The following VKORC1L1 variants were observed in gnomAD, a reference collection of about 807,000 sequenced individuals.
The protein encoded by VKORC1L1 is vitamin K epoxide reductase complex subunit 1-like protein 1.
VKORC1L1 carries 2 observed loss-of-function variants against 18.9 expected under a neutral mutation model. The observed-to-expected ratio is 0.11, with a 90% CI of 0.04 to 0.33. The LOEUF (loss-of-function observed/expected upper bound fraction) is 0.33, where lower values mean the gene tolerates loss of function less well. VKORC1L1 is among the 10% of genes least tolerant of loss of function. The probability of loss-of-function intolerance (pLI) is 1.00; values close to 1 mark genes in which losing one functional copy is unlikely to be tolerated. For missense variants in VKORC1L1, 123 were observed against 224.1 expected (o/e 0.55, Z 2.88); for synonymous variants, 96 against 100.0 (o/e 0.96, Z 0.24).
chr7:65,936,088 A>C (rs888512021), intron 1 of VKORC1L1, among the ~76,000 whole-genome samples: 2 of 149,982 alleles, frequency 1.3e-5, no homozygotes, highest in Non-Finnish European at 3.0e-5. Flanking sequence ...GACCTCATCT[A>C]GTGGATTTTT....
chr7:65,937,287 A>G (rs968713141), intron 1 of VKORC1L1, among the ~76,000 whole-genome samples: 7 of 152,100 alleles, frequency 4.6e-5, no homozygotes, highest in Non-Finnish European at 7.4e-5. Flanking sequence ...AGAATCCTCA[A>G]TTGCTTTTTG....
intron 1 of VKORC1L1, among the ~76,000 whole-genome samples, chr7:65,889,346 A>G (rs1472134645): frequency 2.0e-5 from 3 of 152,184 alleles, no homozygotes; most frequent in African/African-American, 7.2e-5. Flanking sequence ...CAGTATGTCC[A>G]AGATTTATTT....
At position 65,954,810 on chromosome 7, in the gene VKORC1L1, A is replaced by G. The variant is rs1790268588; in HGVS notation, c.*510A>G. 6.2e-6 allele frequency: 1 copy of G among 161,738 alleles called. No homozygotes were observed. The highest frequency in any genetic ancestry group is 5.9e-5 in the Admixed American group (1 of 17,028). 10.0% of individuals were successfully genotyped at this position (161,738 alleles called of 1,614,324 possible). On this transcript the variant is annotated 3_prime_UTR_variant, in exon 3 of 3. Coordinates refer to ENST00000360768, the MANE Select transcript of VKORC1L1 (RefSeq NM_173517.6). ...GATATTTGTAAATAAAGGTAGAAAT[A>G]TTAGATCCATTTCTGCAGAACTTAC...
At chr7:65,891,099 A>ATTTT (rs35196492) in intron 1 of VKORC1L1, among the ~76,000 whole-genome samples, 3 of 128,322 alleles carry the variant, frequency 2.3e-5, no homozygotes, top group Admixed American at 7.9e-5. Context: ...GCCCAGCATA[A>ATTTT]TTTTTTTTTT....
chr7:65,945,312 A>G (rs1327804382), intron 1 of VKORC1L1, among the ~76,000 whole-genome samples: 4 of 151,276 alleles, frequency 2.6e-5, no homozygotes, highest in Non-Finnish European at 5.9e-5. Flanking sequence ...ATGTGGAAGT[A>G]AATAAGAGTG....
intron 1 of VKORC1L1, among the ~76,000 whole-genome samples, chr7:65,927,790 A>G (rs139450196): frequency 7.9e-5 from 12 of 152,226 alleles, no homozygotes; most frequent in South Asian, 2.1e-4. Flanking sequence ...CTCTCCAAAC[A>G]TTTGTCTTTT....
chr7:65,931,956 T>C (rs1170539118), intron 1 of VKORC1L1, among the ~76,000 whole-genome samples: 1 of 152,206 alleles, frequency 6.6e-6, no homozygotes, highest in Non-Finnish European at 1.5e-5. Context: ...ATTGATTTTC[T>C]TGATCATTTC....
chr7:65,953,642 C>G (rs1281103436), intron 2 of VKORC1L1, among the ~76,000 whole-genome samples: 3 of 152,182 alleles, frequency 2.0e-5, no homozygotes, highest in Non-Finnish European at 2.9e-5. Flanking sequence ...TGCCTGTAAT[C>G]CCGGCACTTT....
chr7:65,954,236 A>T lies in VKORC1L1; in HGVS notation c.467A>T (p.Asn156Ile). ...CTGAACTTCCTTCTTCTCATTATCA[A>T]CTACAAACGACTAGTTTACTTGAAC... The part of the protein sequence containing the change: ...YVLNFLLLII[N>I]YKRLVYLNEA... The change falls in exon 3 of 3, where the codon AAC becomes ATC. Residue 156 changes from asparagine (N) to isoleucine (I), a missense_variant. Physicochemically the swap from Asn to Ile is moderately radical, Grantham distance 149 (BLOSUM62 -3). Around this residue, in one of 4 missense-constraint regions of VKORC1L1, gnomAD observed 41 missense variants for 61.6 expected, o/e 0.67. Transcript: ENST00000360768. 1 of 1,614,096 alleles carries T rather than the reference A, an allele frequency of 6.2e-7. No individual in the cohort carries two copies. Among genetic ancestry groups the T allele is most frequent in the Non-Finnish European group, 8.5e-7 (1 of 1,180,020 alleles).
intron 1 of VKORC1L1, among the ~76,000 whole-genome samples, chr7:65,918,368 G>A (rs542569424): frequency 1.3e-5 from 2 of 152,340 alleles, no homozygotes; most frequent in African/African-American, 4.8e-5. Context: ...CAGCAACATT[G>A]CCAGAGCAAA....
intron 1 of VKORC1L1, among the ~76,000 whole-genome samples, chr7:65,941,037 G>A (rs1373892271): frequency 2.0e-5 from 3 of 152,196 alleles, no homozygotes; most frequent in Non-Finnish European, 4.4e-5. Context: ...AGTTGGGATA[G>A]TTAGTGCTTT....
chr7:65,894,589 A>T (rs1024890330), intron 1 of VKORC1L1, among the ~76,000 whole-genome samples: 1 of 152,066 alleles, frequency 6.6e-6, no homozygotes. Context: ...TTAACTGGGC[A>T]TGGTGGTGGG....
chr7:65,872,068 G>GCACATACA (rs1788732650), upstream of VKORC1L1, among the ~76,000 whole-genome samples: 4 of 152,148 alleles, frequency 2.6e-5, no homozygotes, highest in Admixed American at 2.6e-4. Flanking sequence ...GTGAGAAAAA[G>GCACATACA]CACATACATC....
chr7:65,905,166 A>T lies in VKORC1L1; in HGVS notation c.194+31601A>T, dbSNP rs1210858960. On this transcript the variant is annotated intron_variant, in intron 1 of 2. Transcript: ENST00000360768. The stretch of plus-strand genomic sequence containing the variant: ...TGCTTTTTGTTTCCTTTAACTTTTA[A>T]TCGTGAACATTTGGACCTGTAATAA... 2.6e-5 allele frequency among the ~76,000 whole-genome samples: 4 copies of T among 152,288 alleles called. No individual in the cohort carries two copies. In the East Asian group the frequency reaches 7.7e-4, roughly 29 times the overall value.
chr7:65,933,451 T>C (rs886543268), intron 1 of VKORC1L1, among the ~76,000 whole-genome samples: 1 of 152,178 alleles, frequency 6.6e-6, no homozygotes, highest in Non-Finnish European at 1.5e-5. Context: ...ACGGTACCTT[T>C]TGTTTTTTTT....
chr7:65,923,268 G>A (rs186890910), intron 1 of VKORC1L1, among the ~76,000 whole-genome samples: 1 of 152,228 alleles, frequency 6.6e-6, no homozygotes, highest in East Asian at 1.9e-4. Flanking sequence ...CGGGTGTTGT[G>A]GTGCATGCCT....
chr7:65,915,093 C>CTTT (rs35662337), intron 1 of VKORC1L1, among the ~76,000 whole-genome samples: 3 of 123,574 alleles, frequency 2.4e-5, no homozygotes, highest in African/African-American at 5.8e-5. Context: ...TTTTTTTTTT[C>CTTT]TTTTTTTTTT....
chr7:65,927,316 G>C (rs1368947924), intron 1 of VKORC1L1, among the ~76,000 whole-genome samples: 1 of 151,928 alleles, frequency 6.6e-6, no homozygotes, highest in Non-Finnish European at 1.5e-5. Context: ...AATCATAATG[G>C]GTACAATGTA....
At chr7:65,935,291 CT>C (rs141536705) in intron 1 of VKORC1L1, among the ~76,000 whole-genome samples, 48,458 of 151,386 alleles carry the variant, frequency 0.32, 8,786 homozygotes, top group East Asian at 0.46. Context: ...CTTTTCAGTA[CT>C]TTAAAGATTT....
Sources: allele counts gnomAD v4.1 joint callset (sites outside exome capture counted in the v4.1 genomes callset), GRCh38; gene constraint gnomAD v4.1.1; regional missense constraint gnomAD v4.1.1; transcripts MANE v1.5; gene names NCBI Gene and HGNC (gene_info 2026-07-23, HGNC 2026-07-21).